TBCK: variants seen among roughly 807,000 people sequenced by gnomAD.
TBCK encodes TBC1 domain containing kinase, also known as TBC domain-containing protein kinase-like protein.
A neutral mutation model predicts 113.4 loss-of-function variants in TBCK; 99 were observed. That is an observed-to-expected ratio of 0.87 (90% CI 0.74 to 1.03). The LOEUF (loss-of-function observed/expected upper bound fraction) is 1.03, where lower values mean the gene tolerates loss of function less well. Among genes scored for constraint, TBCK ranks in the 50% least tolerant of loss-of-function variants. The pLI, the probability that TBCK is intolerant of heterozygous loss-of-function variation, is 0.00. For synonymous variants in TBCK, 369 were observed against 370.8 expected (o/e 1.00, Z 0.05); for missense variants, 1,045 against 1,061.3 (o/e 0.98, Z 0.21).
At chr4:106,138,271 T>G (rs929811614) in intron 23 of TBCK, among the ~76,000 whole-genome samples, 4 of 141,346 alleles carry the variant, frequency 2.8e-5, no homozygotes, top group South Asian at 4.8e-4. Context: ...ACTGAAATGT[T>G]GTTATGTGCT....
At chr4:106,177,112 C>G (rs1271555145) in intron 22 of TBCK, among the ~76,000 whole-genome samples, 1 of 151,802 alleles carries the variant, frequency 6.6e-6, no homozygotes, top group African/African-American at 2.4e-5. Context: ...CTTGGGACTA[C>G]AAGTATACAC....
At chr4:106,242,598 T>C in intron 11 of TBCK, 29 bp from the exon 12 acceptor site, 1 of 1,358,498 alleles carries the variant, frequency 7.4e-7, no homozygotes, top group Non-Finnish European at 1.0e-6. Flanking sequence ...AAATAATATG[T>C]ACACAAAATC....
intron 25 of TBCK, among the ~76,000 whole-genome samples, chr4:106,076,650 T>A (rs1738229458): frequency 6.6e-6 from 1 of 152,124 alleles, no homozygotes; most frequent in Non-Finnish European, 1.5e-5. Context: ...GGGAACTCTG[T>A]CAGGCTCAGT....
chr4:106,118,852 G>A (rs943097133), intron 23 of TBCK, among the ~76,000 whole-genome samples: 6 of 152,258 alleles, frequency 3.9e-5, no homozygotes, highest in African/African-American at 1.2e-4. Flanking sequence ...AAAGAGTATT[G>A]CTATATGAAA....
In TBCK at chr4:106,247,281, G is replaced by C. The variant is rs554151808; in HGVS notation, c.789C>G (p.Thr263=). The change falls in exon 10 of 26, where the codon ACC becomes ACG. Residue 263 remains threonine (T), a synonymous_variant. Coordinates refer to ENST00000394708, the MANE Select transcript of TBCK (RefSeq NM_001163435.3). The part of the protein sequence containing the change: ...CLTFHPSKRP[T]PDQLMKDKVF... Reference sequence around the variant, plus strand: ...CTTTGTCCTTCATTAATTGATCTGGGGTTGGCCTTGAGAACATTTAAAATA... The same window carrying C: ...CTTTGTCCTTCATTAATTGATCTGGCGTTGGCCTTGAGAACATTTAAAATA... 2.5e-6 allele frequency: 4 copies of C among 1,611,058 alleles called. No individual in the cohort carries two copies. The highest frequency in any genetic ancestry group is 3.4e-6 in the Non-Finnish European group (4 of 1,178,122).
chr4:106,143,541 T>C (rs1747383720), intron 23 of TBCK, among the ~76,000 whole-genome samples: 1 of 152,186 alleles, frequency 6.6e-6, no homozygotes, highest in African/African-American at 2.4e-5. Context: ...AGCTTCAGAC[T>C]GCTGCAGTGA....
chr4:106,063,423 C>G (rs1736274861), intron 25 of TBCK, among the ~76,000 whole-genome samples: 1 of 151,964 alleles, frequency 6.6e-6, no homozygotes, highest in African/African-American at 2.4e-5. Flanking sequence ...ATCTGAAGAA[C>G]TAGATAGATA....
intron 22 of TBCK, among the ~76,000 whole-genome samples, chr4:106,185,342 CACA>C (rs1251244559): frequency 2.0e-5 from 3 of 151,938 alleles, no homozygotes; most frequent in Admixed American, 1.3e-4. Context: ...GTGGTAAGAA[CACA>C]ACATGAGATT....
In TBCK at chr4:106,164,830, CA is replaced by C. The variant is rs369236651; in HGVS notation, c.2235+6264del. ...TTTGAATTTTGGAAACTATTTGAAC[CA>C]AAAGTATAAAAATGTGCTTTAAATA... is the stretch of plus-strand genomic sequence containing the variant. On this transcript the variant is annotated intron_variant, in intron 23 of 25. Coordinates refer to ENST00000394708, the MANE Select transcript of TBCK (RefSeq NM_001163435.3). Among the ~76,000 whole-genome samples, 862 of 151,406 alleles carry C rather than the reference CA, an allele frequency of 5.7e-3. 10 individuals carry two copies. The highest frequency in any genetic ancestry group is 0.02 in the African/African-American group (833 of 41,398).
At chr4:106,271,561 A>G (rs1003027612) in intron 3 of TBCK, among the ~76,000 whole-genome samples, 63 of 151,806 alleles carry the variant, frequency 4.2e-4, no homozygotes, top group Admixed American at 1.3e-4. Flanking sequence ...AGACCAGACT[A>G]ACCAACATGG....
chr4:106,152,371 T>C (rs1748599709), intron 23 of TBCK, among the ~76,000 whole-genome samples: 1 of 152,114 alleles, frequency 6.6e-6, no homozygotes, highest in African/African-American at 2.4e-5. Flanking sequence ...ATTCTATTGA[T>C]ATGACATAAC....
At chr4:106,049,490 A>G (rs2149442981) in intron 25 of TBCK, among the ~76,000 whole-genome samples, 1 of 152,222 alleles carries the variant, frequency 6.6e-6, no homozygotes, top group East Asian at 1.9e-4. Flanking sequence ...CTTTGTGGCT[A>G]TAGCTTGACA....
intron 3 of TBCK, among the ~76,000 whole-genome samples, chr4:106,287,010 A>AT (rs1765180375): frequency 6.6e-6 from 1 of 152,180 alleles, no homozygotes. Context: ...AAGAAGGACC[A>AT]TATACAGGCA....
At chr4:106,100,685 G>A (rs1261140341) in intron 24 of TBCK, among the ~76,000 whole-genome samples, 1 of 152,116 alleles carries the variant, frequency 6.6e-6, no homozygotes, top group Admixed American at 6.6e-5. Flanking sequence ...ATAAAAATCT[G>A]AGCATGGCAC....
intron 20 of TBCK, among the ~76,000 whole-genome samples, chr4:106,197,663 T>C (rs1479620499): frequency 6.6e-6 from 1 of 151,924 alleles, no homozygotes; most frequent in Non-Finnish European, 1.5e-5. Flanking sequence ...CAAGCTGCTC[T>C]GGCCCCATTA....
chr4:106,216,497 A>G (rs56013611), intron 19 of TBCK, among the ~76,000 whole-genome samples: 1 of 152,152 alleles, frequency 6.6e-6, no homozygotes, highest in Non-Finnish European at 1.5e-5. Context: ...AAAAGAGAGA[A>G]GAATCAAATA....
chr4:106,042,700 G>A lies in TBCK; in HGVS notation c.*3870C>T, dbSNP rs1387188930. ...AGGAATATTTTTTGGTAACTATTTG[G>A]AGGAGGAAAGCACAGGAATCCAACA... is the stretch of plus-strand genomic sequence containing the variant. On this transcript the variant is annotated 3_prime_UTR_variant, in exon 26 of 26. Coordinates refer to ENST00000394708, the MANE Select transcript of TBCK (RefSeq NM_001163435.3). 6.6e-6 allele frequency: 1 copy of A among 152,118 alleles called. No homozygotes were observed. Among genetic ancestry groups the A allele is most frequent in the Non-Finnish European group, 1.5e-5 (1 of 68,028 alleles). The allele number at this position is 152,118 out of a possible 1,614,324, so 9.4% of individuals were successfully genotyped here.
chr4:106,254,779 C>T (rs1010314570), intron 5 of TBCK, among the ~76,000 whole-genome samples: 21 of 152,022 alleles, frequency 1.4e-4, no homozygotes, highest in African/African-American at 5.1e-4. Context: ...TATACTAAAT[C>T]AAATCTCCAC....
chr4:106,190,394 T>C (rs1029160964), intron 22 of TBCK, among the ~76,000 whole-genome samples: 3 of 152,228 alleles, frequency 2.0e-5, no homozygotes, highest in African/African-American at 7.2e-5. Context: ...AAAGTTATAG[T>C]AGTCAACTGT....
Sources: gnomAD v4.1 joint callset for allele counts (sites outside exome capture counted in the v4.1 genomes callset) on GRCh38, gnomAD v4.1.1 for gene constraint, MANE v1.5 for transcripts, NCBI Gene and HGNC (gene_info 2026-07-23, HGNC 2026-07-21) for gene names.